Variants in KIAA0930 observed in about 807,000 individuals in gnomAD.
The protein encoded by KIAA0930 is KIAA0930, also known as uncharacterized protein KIAA0930.
Under a neutral mutation model 43.9 loss-of-function variants are expected in KIAA0930, and 24 were observed. The observed-to-expected ratio is 0.55, with a 90% CI of 0.40 to 0.77. The LOEUF is 0.77. Ranked by LOEUF, KIAA0930 falls within the 30% of genes least tolerant of loss-of-function variation. The pLI is 0.00. For missense variants in KIAA0930, 461 were observed against 574.2 expected (o/e 0.80, Z 2.02); for synonymous variants, 259 against 216.4 (o/e 1.20, Z -1.73).
At chr22:45,225,030 C>T (rs777437971) in intron 1 of KIAA0930, among the ~76,000 whole-genome samples, 1 of 152,054 alleles carries the variant, frequency 6.6e-6, no homozygotes, top group Non-Finnish European at 1.5e-5. Context: ...CAGAGAACAC[C>T]GGGCTCAGCA....
intron 1 of KIAA0930, among the ~76,000 whole-genome samples, chr22:45,216,107 AAC>A (rs1400078183): frequency 1.3e-5 from 2 of 152,164 alleles, no homozygotes; most frequent in East Asian, 1.9e-4. Flanking sequence ...AAGGGAGGCA[AAC>A]ACAGACACAC....
chr22:45,222,064 C>G (rs574584492), intron 1 of KIAA0930, among the ~76,000 whole-genome samples: 3 of 151,990 alleles, frequency 2.0e-5, no homozygotes, highest in African/African-American at 7.3e-5. Context: ...CACTTGAAAT[C>G]AATAGGATGT....
At chr22:45,205,770 G>GCGGGGCC in intron 3 of KIAA0930, 23 bp downstream of exon 3, 1 of 1,523,778 alleles carries the variant, frequency 6.6e-7, no homozygotes, top group Non-Finnish European at 9.1e-7. Flanking sequence ...CCAATCCGCA[G>GCGGGGCC]CCCCACCCAT....
At chr22:45,211,098 G>C (rs1411166703) in intron 2 of KIAA0930, among the ~76,000 whole-genome samples, 1 of 152,142 alleles carries the variant, frequency 6.6e-6, no homozygotes, top group African/African-American at 2.4e-5. Context: ...CGTGTGTTCA[G>C]GCTCAGAAAA....
At chr22:45,239,123 G>A (rs1228839513) in intron 1 of KIAA0930, among the ~76,000 whole-genome samples, 2 of 152,212 alleles carry the variant, frequency 1.3e-5, no homozygotes, top group South Asian at 2.1e-4. Flanking sequence ...GTGCTCACAG[G>A]TAAAGGTGGT....
In KIAA0930 at chr22:45,205,882, ACACCTC is replaced by A. The variant is rs1343822659; in HGVS notation, c.241_246del (p.Glu81_Val82del). The A allele has an allele frequency of 6.2e-7, 1 of 1,612,036 alleles. No individual in the cohort carries two copies. The highest frequency in any genetic ancestry group is 8.5e-7 in the Non-Finnish European group (1 of 1,179,710). On this transcript the variant is annotated inframe_deletion, in exon 3 of 10. Transcript: ENST00000336156. ...GGCAGCTTCTTGGAGTCCCGCCGGT[ACACCTC>A]CACCTCCACCTCAGGCTCAGCTGCC...
Position 45,203,106 on chromosome 22 carries a change from T to C in KIAA0930, c.736A>G (p.Lys246Glu). The C allele has an allele frequency of 6.2e-7, 1 of 1,613,760 alleles. No homozygotes were observed. Residue 246 changes from lysine (K) to glutamate (E), a missense_variant, in exon 7 of 10, where the codon AAG becomes GAG. Transcript: ENST00000336156. ...KYSNMEFVRM[K>E]GPQGKGHAEM... ...GCGTGGCCCTTGCCCTGGGGGCCCT[T>C]CATGCGCACAAACTCCATGTTGCTG...
At chr22:45,228,778 C>G (rs1304025320) in intron 1 of KIAA0930, among the ~76,000 whole-genome samples, 2 of 92,426 alleles carry the variant, frequency 2.2e-5, no homozygotes, top group Non-Finnish European at 4.3e-5. Context: ...TCCCCATCCC[C>G]CCCAACCACC....
At chr22:45,200,616 G>A (rs2083579458) in intron 7 of KIAA0930, among the ~76,000 whole-genome samples, 1 of 152,166 alleles carries the variant, frequency 6.6e-6, no homozygotes, top group South Asian at 2.1e-4. Context: ...AGGAAATACT[G>A]TGCTAAGTAG....
At chr22:45,237,245 G>A (rs368879391) in intron 1 of KIAA0930, among the ~76,000 whole-genome samples, 76 of 152,338 alleles carry the variant, frequency 5.0e-4, no homozygotes, top group African/African-American at 1.8e-3. Context: ...CCGGGCAGCC[G>A]CAGCCCCACT....
At chr22:45,216,862 G>C (rs764724267) in intron 1 of KIAA0930, among the ~76,000 whole-genome samples, 4 of 152,056 alleles carry the variant, frequency 2.6e-5, no homozygotes, top group African/African-American at 7.2e-5. Flanking sequence ...CTGTGCTCAC[G>C]GCCCTGCCTT....
rs747007695 is a variant in KIAA0930, at chr22:45,199,993, G to A, written c.895C>T (p.Arg299Trp). The A allele has an allele frequency of 2.4e-5, 39 of 1,607,148 alleles. No individual in the cohort carries two copies. The highest frequency in any genetic ancestry group is 8.5e-5 in the Admixed American group (5 of 59,140). Residue 299 changes from arginine to tryptophan, a missense_variant, in exon 8 of 10, where the codon CGG (arginine) becomes TGG (tryptophan). Coordinates refer to ENST00000336156, the MANE Select transcript of KIAA0930 (RefSeq NM_001009880.2). Reference protein sequence around the residue: ...STPPTPERNNRPAFFSPSLKR... With the variant: ...STPPTPERNNWPAFFSPSLKR... ...AGGGATGGGGAGAAGAAGGCAGGCC[G>A]GTTGTTCCGTTCTGGGGTGGGGGGT...
At chr22:45,220,731 A>C (rs1246079665) in intron 1 of KIAA0930, among the ~76,000 whole-genome samples, 2 of 151,832 alleles carry the variant, frequency 1.3e-5, no homozygotes, top group African/African-American at 4.8e-5. Context: ...CAGGCATGCA[A>C]TACCATGCCC....
chr22:45,215,599 C>A (rs2147752126), intron 1 of KIAA0930, among the ~76,000 whole-genome samples: 1 of 152,312 alleles, frequency 6.6e-6, no homozygotes, highest in South Asian at 2.1e-4. Context: ...CGGATTCAAC[C>A]AAATCGCCAC....
At chr22:45,233,085 T>C (rs2083864337) in intron 1 of KIAA0930, among the ~76,000 whole-genome samples, 1 of 152,120 alleles carries the variant, frequency 6.6e-6, no homozygotes, top group Non-Finnish European at 1.5e-5. Context: ...TCCCTCCTGC[T>C]TCTGAGCCTC....
In KIAA0930 at chr22:45,205,796, C is replaced by CT. The variant is rs2083632434; in HGVS notation, c.332dup (p.Lys112GlufsTer15). ...CCCCACCCATCCCACCCCATACCTT[C>CT]TGCAGGATGAGATTCAGGCAGACGC... is the stretch of plus-strand genomic sequence containing the variant. On this transcript the variant is annotated frameshift_variant, in exon 3 of 10. Coordinates refer to ENST00000336156, the MANE Select transcript of KIAA0930 (RefSeq NM_001009880.2). LOFTEE classifies it high-confidence loss of function. The CT allele has an allele frequency of 1.2e-6, 1 of 836,520 alleles. No individual in the cohort carries two copies. Among genetic ancestry groups the CT allele is most frequent in the Non-Finnish European group, 1.8e-6 (1 of 545,618 alleles). The allele number at this position is 836,520 out of a possible 1,614,324, so 51.8% of individuals were successfully genotyped here. A position where few individuals can be genotyped will look rare whatever the true frequency, so the allele number is the denominator to read the frequency against.
chr22:45,239,328 A>G (rs1473610827), intron 1 of KIAA0930, among the ~76,000 whole-genome samples: 1 of 152,232 alleles, frequency 6.6e-6, no homozygotes, highest in Non-Finnish European at 1.5e-5. Flanking sequence ...GAATGAATGA[A>G]TAAGCACGCT....
At chr22:45,225,567 C>T (rs1404694268) in intron 1 of KIAA0930, among the ~76,000 whole-genome samples, 1 of 152,200 alleles carries the variant, frequency 6.6e-6, no homozygotes, top group East Asian at 1.9e-4. Context: ...CCCTGCATCC[C>T]CCTGGAGAGC....
chr22:45,232,699 A>G (rs553873787), intron 1 of KIAA0930, among the ~76,000 whole-genome samples: 1 of 152,280 alleles, frequency 6.6e-6, no homozygotes, highest in East Asian at 1.9e-4. Flanking sequence ...TTGGGAGGGT[A>G]GAGCTCATCA....
Sources: allele counts gnomAD v4.1 joint callset (sites outside exome capture counted in the v4.1 genomes callset), GRCh38; gene constraint gnomAD v4.1.1; transcripts MANE v1.5; gene names NCBI Gene and HGNC (gene_info 2026-07-23, HGNC 2026-07-21).